The following ANKS1B variants were observed in gnomAD, a reference collection of about 807,000 sequenced individuals.
ANKS1B encodes the protein ankyrin repeat and sterile alpha motif domain containing 1B.
A neutral mutation model predicts 148.3 loss-of-function variants in ANKS1B; 36 were observed. That is an observed-to-expected ratio of 0.24 (90% CI 0.19 to 0.32). The LOEUF (loss-of-function observed/expected upper bound fraction) is 0.32. ANKS1B is among the 10% of genes least tolerant of loss of function. The pLI, the probability that ANKS1B is intolerant of heterozygous loss-of-function variation, is 1.00. For synonymous variants in ANKS1B, 542 were observed against 560.8 expected, an observed-to-expected ratio of 0.97 and a Z score of 0.47; for missense variants, 1,157 against 1,542.6, an observed-to-expected ratio of 0.75 and a Z score of 4.19.
intron 11 of ANKS1B, among the ~76,000 whole-genome samples, chr12:99,443,415 T>G (rs1313878756): frequency 6.6e-6 from 1 of 152,010 alleles, no homozygotes; most frequent in Non-Finnish European, 1.5e-5. Flanking sequence ...AGAAAAATGA[T>G]GTAAAATAGC....
At chr12:99,099,441 G>C (rs186065326) in intron 15 of ANKS1B, among the ~76,000 whole-genome samples, 1 of 152,206 alleles carries the variant, frequency 6.6e-6, no homozygotes. Flanking sequence ...AGAGTGTTGG[G>C]GGCCTGGCAG....
rs1566378397 is a variant in ANKS1B, at chr12:99,139,426, C to CT, written c.2526+14862dup. ...TCTTTCTTTCTTTCTTTCTTTCTTTCTTTCTTTCTTTCTTTTTCTTTCTTT... is the reference window on the plus strand; with the variant it reads ...TCTTTCTTTCTTTCTTTCTTTCTTTCTTTTCTTTCTTTCTTTTTCTTTCTTT... On this transcript the variant is annotated intron_variant, in intron 15 of 26. Coordinates refer to ENST00000683438, the MANE Select transcript of ANKS1B (RefSeq NM_001352186.2). Among the ~76,000 whole-genome samples, 9 of 5,702 alleles carry CT rather than the reference C, an allele frequency of 1.6e-3. 2 individuals carry two copies. The African/African-American group carries it at 0.028, about 18-fold the overall frequency. 3.7% of individuals were successfully genotyped at this position (5,702 alleles called of 152,430 possible).
chr12:99,165,569 C>T (rs1371064016), intron 14 of ANKS1B, among the ~76,000 whole-genome samples: 1 of 151,924 alleles, frequency 6.6e-6, no homozygotes, highest in Non-Finnish European at 1.5e-5. Context: ...AAACCTCACT[C>T]ATGAAGAAAA....
At chr12:99,297,725 T>TA (rs778211680) in intron 12 of ANKS1B, among the ~76,000 whole-genome samples, 108 of 152,126 alleles carry the variant, frequency 7.1e-4, no homozygotes, top group Non-Finnish European at 2.9e-4. Context: ...GGCTTAGCTT[T>TA]CCCCTTCCAA....
chr12:99,945,710 C>A (rs1248616659), intron 1 of ANKS1B, among the ~76,000 whole-genome samples: 11 of 152,158 alleles, frequency 7.2e-5, no homozygotes, highest in Non-Finnish European at 1.6e-4. Context: ...AGCTGCGAGA[C>A]TGTTGGTGAC....
intron 8 of ANKS1B, among the ~76,000 whole-genome samples, chr12:99,745,633 T>C (rs1436966587): frequency 2.0e-5 from 3 of 152,098 alleles, no homozygotes; most frequent in Non-Finnish European, 4.4e-5. Context: ...ATTGTAAGCA[T>C]CAGATTGTGA....
chr12:99,749,870 T>C (rs922969197), intron 8 of ANKS1B, among the ~76,000 whole-genome samples: 2 of 151,930 alleles, frequency 1.3e-5, no homozygotes, highest in African/African-American at 4.8e-5. Flanking sequence ...GTACACAAAA[T>C]AAAAGGAATT....
At chr12:99,300,472 A>G (rs1386164762) in intron 12 of ANKS1B, among the ~76,000 whole-genome samples, 1 of 151,984 alleles carries the variant, frequency 6.6e-6, no homozygotes, top group Non-Finnish European at 1.5e-5. Context: ...AGATTTGTAA[A>G]TAAGAAAAAA....
In ANKS1B at chr12:98,745,533, G is replaced by A. The variant is rs2097862129; in HGVS notation, c.*206C>T. ...ACCCATCTCAACTCACGCCTCTCAGGGGTTGCGACTGGAAAGTCTTGCGTT... is the reference window on the plus strand; with the variant it reads ...ACCCATCTCAACTCACGCCTCTCAGAGGTTGCGACTGGAAAGTCTTGCGTT... On this transcript the variant is annotated 3_prime_UTR_variant, in exon 27 of 27. Transcript: ENST00000683438. 7.5e-7 allele frequency: 1 copy of A among 1,337,822 alleles called. No homozygotes were observed. The highest frequency in any genetic ancestry group is 3.2e-5 in the East Asian group (1 of 31,688). 82.9% of individuals were successfully genotyped at this position (1,337,822 alleles called of 1,614,324 possible).
At chr12:99,171,125 T>C (rs764095681) in intron 14 of ANKS1B, among the ~76,000 whole-genome samples, 1 of 152,218 alleles carries the variant, frequency 6.6e-6, no homozygotes, top group Non-Finnish European at 1.5e-5. Context: ...GAGTGAATAG[T>C]ATTCATTTCT....
In ANKS1B at chr12:98,756,113, G is replaced by A. The variant is rs112347556; in HGVS notation, c.3580-4591C>T. Among the ~76,000 whole-genome samples the A allele has an allele frequency of 4.2e-3, 632 of 152,260 alleles. 7 individuals are homozygous for A. Among genetic ancestry groups the A allele is most frequent in the African/African-American group, 0.014 (568 of 41,528 alleles). On this transcript the variant is annotated intron_variant, in intron 25 of 26. Coordinates refer to ENST00000683438, the MANE Select transcript of ANKS1B (RefSeq NM_001352186.2). ...CGCCTGTAATTCCAGCACTTTGGGA[G>A]GCTGATATTGTTTAGCTGTGTCCCC...
chr12:98,822,984 G>A (rs770968211), intron 19 of ANKS1B, among the ~76,000 whole-genome samples: 73 of 152,174 alleles, frequency 4.8e-4, no homozygotes, highest in Non-Finnish European at 5.6e-4. Flanking sequence ...TAATCCCAAA[G>A]TTGTCTCAGA....
At chr12:99,455,597 T>C (rs2095835439) in intron 10 of ANKS1B, among the ~76,000 whole-genome samples, 1 of 152,134 alleles carries the variant, frequency 6.6e-6, no homozygotes, top group South Asian at 2.1e-4. Context: ...GAGACTGGCC[T>C]TTTGGGCTGT....
intron 17 of ANKS1B, among the ~76,000 whole-genome samples, chr12:99,038,949 A>G (rs1044068601): frequency 6.6e-6 from 1 of 152,170 alleles, no homozygotes; most frequent in African/African-American, 2.4e-5. Flanking sequence ...ATATCATATT[A>G]CAGACTTATC....
At chr12:99,930,131 C>A (rs1197385633) in intron 1 of ANKS1B, among the ~76,000 whole-genome samples, 1 of 151,678 alleles carries the variant, frequency 6.6e-6, no homozygotes, top group Non-Finnish European at 1.5e-5. Flanking sequence ...TACCCATGAG[C>A]ATGGAATGTT....
chr12:99,015,169 A>G lies in ANKS1B; in HGVS notation c.2778+37988T>C, dbSNP rs551301865. On this transcript the variant is annotated intron_variant, in intron 17 of 26. Transcript: ENST00000683438. ...ACTGGATAAAGAAAATGTGGTACAT[A>G]TACACCATGGAATATTATGCAGCCA... Among the ~76,000 whole-genome samples the G allele has an allele frequency of 1.1e-4, 16 of 152,356 alleles. No homozygotes were observed. In the South Asian group the frequency reaches 3.3e-3, roughly 32 times the overall value.
intron 1 of ANKS1B, among the ~76,000 whole-genome samples, chr12:99,829,052 G>A (rs1332847655): frequency 1.3e-5 from 2 of 152,012 alleles, no homozygotes; most frequent in Admixed American, 1.3e-4. Flanking sequence ...CAAAGATATA[G>A]ACAAATAGAA....
At chr12:99,545,013 A>G (rs1258339916) in intron 9 of ANKS1B, among the ~76,000 whole-genome samples, 1 of 152,134 alleles carries the variant, frequency 6.6e-6, no homozygotes. Context: ...GGCTTCATTT[A>G]TCATTGGTCG....
intron 15 of ANKS1B, among the ~76,000 whole-genome samples, chr12:99,134,725 G>A (rs1386696966): frequency 7.0e-6 from 1 of 142,880 alleles, no homozygotes; most frequent in African/African-American, 2.6e-5. Context: ...CCATTCTCAG[G>A]TCAAAAAGGA....
Sources: gnomAD v4.1 joint callset for allele counts (sites outside exome capture counted in the v4.1 genomes callset) on GRCh38, gnomAD v4.1.1 for gene constraint, MANE v1.5 for transcripts, NCBI Gene and HGNC (gene_info 2026-07-23, HGNC 2026-07-21) for gene names.